Variants in TMEM164 observed in about 807,000 individuals in gnomAD.
TMEM164 encodes RP13-360B22.2.
In TMEM164, 4 loss-of-function variants were observed where a neutral mutation model predicts 18.8. The ratio of observed to expected loss-of-function variants is 0.21; its 90% CI spans 0.10 to 0.49. TMEM164 has a LOEUF of 0.49. Ranked by LOEUF, TMEM164 falls within the 20% of genes least tolerant of loss-of-function variation. TMEM164 has a pLI of 0.98. For synonymous variants in TMEM164, 86 were observed against 101.7 expected (o/e 0.85, Z 0.93); for missense variants, 108 against 239.9 (o/e 0.45, Z 3.63).
chrX:110,160,341 T>A (rs1475971270), intron 5 of TMEM164, among the ~76,000 whole-genome samples: 5 of 112,040 alleles, frequency 4.5e-5, no homozygotes. Flanking sequence ...ACAGATGGCT[T>A]CCTATCACAT....
chrX:110,026,626 C>T (rs148649782), intron 2 of TMEM164, among the ~76,000 whole-genome samples: 64 of 111,592 alleles, frequency 5.7e-4, no homozygotes, highest in African/African-American at 2.0e-3. Context: ...GTCCTAAGTG[C>T]CTTATGCGCA....
chrX:110,105,175 ACCATCCATCCATCCAT>A (rs55889712), intron 3 of TMEM164, among the ~76,000 whole-genome samples: 29 of 89,006 alleles, frequency 3.3e-4, no homozygotes, highest in East Asian at 1.6e-3. Flanking sequence ...CTTCCATCCA[ACCATCCATCCATCCAT>A]CCATCCATCC....
intron 4 of TMEM164, among the ~76,000 whole-genome samples, chrX:110,109,505 G>A (rs759450352): frequency 2.7e-5 from 3 of 112,086 alleles, no homozygotes; most frequent in East Asian, 2.8e-4. Flanking sequence ...GCGACAGAGC[G>A]AGACTCGGTC....
intron 4 of TMEM164, among the ~76,000 whole-genome samples, chrX:110,122,749 A>G (rs1232713266): frequency 1.8e-5 from 2 of 111,442 alleles, no homozygotes; most frequent in Non-Finnish European, 3.8e-5. Flanking sequence ...ATCTTTTCAG[A>G]TCCTTTCCCA....
intron 4 of TMEM164, among the ~76,000 whole-genome samples, chrX:110,128,883 C>T (rs1439938573): frequency 1.8e-5 from 2 of 111,169 alleles, no homozygotes; most frequent in Non-Finnish European, 3.8e-5. Context: ...ATTTTATTAT[C>T]TGCAGTCTTT....
chrX:110,012,146 C>T (rs767524580), intron 2 of TMEM164, among the ~76,000 whole-genome samples: 1 of 112,255 alleles, frequency 8.9e-6, no homozygotes, highest in Non-Finnish European at 1.9e-5. Flanking sequence ...ATCCCACCTG[C>T]AACCAGTAGA....
intron 4 of TMEM164, among the ~76,000 whole-genome samples, chrX:110,123,045 G>T (rs2066473783): frequency 8.9e-6 from 1 of 111,881 alleles, no homozygotes; most frequent in African/African-American, 3.2e-5. Flanking sequence ...CATAGTGTTG[G>T]CTCTTACATT....
rs1380584176 is a variant in TMEM164 at position 110,175,400 on chromosome X, G to A, written c.*1949G>A. The stretch of plus-strand genomic sequence containing the variant: ...TGGAGTTGCTGCCAGCAGAGGATCT[G>A]TGCCTCAGCTGAAGACTAGCTCCGG... On this transcript the variant is annotated 3_prime_UTR_variant, in exon 7 of 7. Transcript: ENST00000372068. 1.8e-5 allele frequency: 2 copies of A among 113,331 alleles called. No homozygotes were observed. Among genetic ancestry groups the A allele is most frequent in the Non-Finnish European group, 3.7e-5 (2 of 53,443 alleles). 9.3% of individuals were successfully genotyped at this position (113,331 alleles called of 1,213,427 possible).
intron 2 of TMEM164, among the ~76,000 whole-genome samples, chrX:110,033,897 G>T (rs781424311): frequency 8.9e-6 from 1 of 111,870 alleles, no homozygotes; most frequent in Non-Finnish European, 1.9e-5. Context: ...CAAGAGGACA[G>T]GAATAACTAC....
chrX:110,141,012 A>C lies in TMEM164; in HGVS notation c.508-3786A>C, dbSNP rs767008741. On this transcript the variant is annotated intron_variant, in intron 4 of 6. Coordinates refer to ENST00000372068, the MANE Select transcript of TMEM164 (RefSeq NM_032227.4). ...CTGTCTTAGCTGGGCATCATGGTGC[A>C]TGCCTATAGTCCCAGCTACTTGGGA... Among the ~76,000 whole-genome samples the C allele has an allele frequency of 4.5e-5, 5 of 111,994 alleles. No homozygotes were observed. The East Asian group carries it at 1.1e-3, about 25-fold the overall frequency.
intron 2 of TMEM164, among the ~76,000 whole-genome samples, chrX:110,043,818 T>G (rs1342682216): frequency 2.7e-5 from 3 of 112,256 alleles, no homozygotes; most frequent in African/African-American, 9.7e-5. Context: ...CTTTACACAT[T>G]TTTTTTAAAA....
At chrX:110,082,684 G>A (rs2147892517) in intron 3 of TMEM164, among the ~76,000 whole-genome samples, 1 of 111,272 alleles carries the variant, frequency 9.0e-6, no homozygotes, top group African/African-American at 3.3e-5. Flanking sequence ...ATAGGATAAA[G>A]GACTGTGTTG....
intron 4 of TMEM164, among the ~76,000 whole-genome samples, chrX:110,135,237 T>TA (rs59248499): frequency 0.01 from 1,038 of 100,417 alleles, 16 homozygotes; most frequent in African/African-American, 0.033. Context: ...CCTTTTCTTC[T>TA]AAAAAAAAAA....
intron 5 of TMEM164, among the ~76,000 whole-genome samples, chrX:110,164,203 A>G (rs1168195516): frequency 2.7e-5 from 3 of 111,792 alleles, no homozygotes; most frequent in Non-Finnish European, 3.8e-5. Flanking sequence ...AAGGCAGAGG[A>G]GGAGCTTTGG....
At chrX:110,138,593 G>T (rs927881189) in intron 4 of TMEM164, among the ~76,000 whole-genome samples, 1 of 111,765 alleles carries the variant, frequency 8.9e-6, no homozygotes, top group Non-Finnish European at 1.9e-5. Context: ...GAGAAGGAAC[G>T]CCATTGAGGT....
At chrX:110,153,644 C>T (rs937291687) in intron 5 of TMEM164, among the ~76,000 whole-genome samples, 15 of 112,329 alleles carry the variant, frequency 1.3e-4, no homozygotes, top group South Asian at 3.7e-4. Context: ...ATGTAAATGA[C>T]GTAGTATTTG....
intron 5 of TMEM164, among the ~76,000 whole-genome samples, chrX:110,149,625 G>T (rs1318258914): frequency 9.0e-6 from 1 of 111,658 alleles, no homozygotes; most frequent in African/African-American, 3.3e-5. Context: ...CATTCTAATT[G>T]TCTGGTATGG....
intron 2 of TMEM164, among the ~76,000 whole-genome samples, chrX:110,060,500 C>T (rs1444705422): frequency 1.8e-5 from 2 of 111,555 alleles, no homozygotes; most frequent in African/African-American, 6.5e-5. Flanking sequence ...GTATATCCTT[C>T]ACCCAGCTTC....
chrX:110,162,062 A>T (rs2067100583), intron 5 of TMEM164, among the ~76,000 whole-genome samples: 1 of 112,807 alleles, frequency 8.9e-6, no homozygotes, highest in Non-Finnish European at 1.9e-5. Context: ...GCCCTCCTAG[A>T]GATTCTGATT....
Sources: gnomAD v4.1 joint callset for allele counts (sites outside exome capture counted in the v4.1 genomes callset) on GRCh38, gnomAD v4.1.1 for gene constraint, MANE v1.5 for transcripts, NCBI Gene and HGNC (gene_info 2026-07-23, HGNC 2026-07-21) for gene names.